The following TP53BP1 variants were observed in gnomAD, a reference collection of about 807,000 sequenced individuals.
TP53BP1 encodes the protein TP53-binding protein 1.
A neutral mutation model predicts 200.8 loss-of-function variants in TP53BP1; 61 were observed. The observed-to-expected ratio is 0.30, with a 90% confidence interval of 0.25 to 0.38. The LOEUF is 0.38. Among genes scored for constraint, TP53BP1 ranks in the 10% least tolerant of loss-of-function variants. The pLI, the probability that TP53BP1 is intolerant of heterozygous loss-of-function variation, is 1.00. For missense variants in TP53BP1, 2,144 were observed against 2,371.9 expected (o/e 0.90, Z 2.00); for synonymous variants, 822 against 844.3 (o/e 0.97, Z 0.46).
chr15:43,420,159 A>C, intron 21 of TP53BP1, 146 bp downstream of exon 21: 1 of 776,396 alleles, frequency 1.3e-6, no homozygotes, highest in Non-Finnish European at 2.1e-6. Flanking sequence ...GTCAGTGGCA[A>C]GAGTAACCAA....
At chr15:43,506,921 C>T (rs147471997) in intron 1 of TP53BP1, among the ~76,000 whole-genome samples, 7 of 152,228 alleles carry the variant, frequency 4.6e-5, no homozygotes, top group African/African-American at 1.7e-4. Flanking sequence ...GGCCAAGCCA[C>T]CACTTCAGCC....
At position 43,403,179 on chromosome 15, in the gene TP53BP1, TATA is replaced by T. The variant is rs922994313; in HGVS notation, c.*4201_*4203del. 4.6e-5 allele frequency: 7 copies of T among 151,144 alleles called. No individual in the cohort carries two copies. Among genetic ancestry groups the T allele is most frequent in the African/African-American group, 1.7e-4 (7 of 41,202 alleles). The allele number at this position is 151,144 out of a possible 1,614,324, so 9.4% of individuals were successfully genotyped here. A position where few individuals can be genotyped will look rare whatever the true frequency, so the allele number is the denominator to read the frequency against. On this transcript the variant is annotated 3_prime_UTR_variant, in exon 28 of 28. Transcript: ENST00000382044. The stretch of plus-strand genomic sequence containing the variant: ...ACAATCTAGTTGGAAAAACAAGACA[TATA>T]TATATATATACATACAAAAATCAGT...
chr15:43,435,514 T>C (rs1356859784), intron 16 of TP53BP1, among the ~76,000 whole-genome samples: 2 of 152,170 alleles, frequency 1.3e-5, no homozygotes, highest in Non-Finnish European at 2.9e-5. Context: ...ATAAATTTAG[T>C]AATAGCTGGG....
chr15:43,432,732 C>CGT, intron 16 of TP53BP1, 55 bp from the exon 17 acceptor site: 7 of 1,539,980 alleles, frequency 4.5e-6, no homozygotes, highest in Admixed American at 3.8e-5. Context: ...TATGTGTGAA[C>CGT]GTGTGTGTGT....
chr15:43,458,672 C>T lies in TP53BP1; in HGVS notation c.1390-1454G>A, dbSNP rs980341591. On this transcript the variant is annotated intron_variant, in intron 11 of 27. Transcript: ENST00000382044. Reference sequence around the variant, plus strand: ...TTGTGTCCCTACAGTCCCAGCTACTCGGGAGGCTGAGGCAGCAGGATCCTT... The same window carrying T: ...TTGTGTCCCTACAGTCCCAGCTACTTGGGAGGCTGAGGCAGCAGGATCCTT... Among the ~76,000 whole-genome samples the T allele has an allele frequency of 3.3e-5, 5 of 151,690 alleles. No homozygotes were observed. The East Asian group carries it at 5.8e-4, about 18-fold the overall frequency.
chr15:43,404,711 G>T lies in TP53BP1; in HGVS notation c.*2672C>A, dbSNP rs2044799708. 2 of 768,518 alleles carry T rather than the reference G, an allele frequency of 2.6e-6. No individual in the cohort carries two copies. The highest frequency in any genetic ancestry group is 5.9e-5 in the Admixed American group (2 of 33,620). 47.6% of individuals were successfully genotyped at this position (768,518 alleles called of 1,614,324 possible). A position where few individuals can be genotyped will look rare whatever the true frequency, so the allele number is the denominator to read the frequency against. On this transcript the variant is annotated 3_prime_UTR_variant, in exon 28 of 28. Transcript: ENST00000382044. The stretch of plus-strand genomic sequence containing the variant: ...GACCATCTTTAATAATTTTAATGGA[G>T]GTTATTTTCTAGTAGAAGTCATCAT...
At position 43,457,017 on chromosome 15, in the gene TP53BP1, G is replaced by A. The variant is rs771965218; in HGVS notation, c.1591C>T (p.Pro531Ser). ...TGAGAACTCAAGCTCTCCATCTTTG[G>A]GGACTGACTATATTCACTTGTAGAA... ...MLSTSEYSQSPKMESLSSHRI... is the reference protein window; with the variant it reads ...MLSTSEYSQSSKMESLSSHRI... Residue 531 changes from proline (P) to serine (S), a missense_variant, in exon 12 of 28, where the codon CCA becomes TCA. Physicochemically the swap from Pro to Ser is moderately conservative, Grantham distance 74. This residue lies in a region of TP53BP1 where 1,700 missense variants were observed against 1,710.3 expected (regional missense o/e 0.99). Transcript: ENST00000382044. 1.2e-5 allele frequency: 19 copies of A among 1,613,990 alleles called. No individual in the cohort carries two copies. The South Asian group carries it at 1.9e-4, about 16-fold the overall frequency.
intron 1 of TP53BP1, 138 bp downstream of exon 1, chr15:43,492,899 C>T (rs1284705661): frequency 4.6e-6 from 4 of 868,980 alleles, no homozygotes; most frequent in Non-Finnish European, 6.9e-6. Flanking sequence ...TTCCCCACCC[C>T]CTCCTTAGGG....
At chr15:43,411,255 A>T (rs1225307652) in intron 24 of TP53BP1, among the ~76,000 whole-genome samples, 1 of 152,210 alleles carries the variant, frequency 6.6e-6, no homozygotes, top group Admixed American at 6.5e-5. Flanking sequence ...TTGAGGTATA[A>T]GTGCCCTGCC....
intron 4 of TP53BP1, among the ~76,000 whole-genome samples, chr15:43,489,218 C>A (rs2079088099): frequency 6.6e-6 from 1 of 152,202 alleles, no homozygotes; most frequent in Non-Finnish European, 1.5e-5. Flanking sequence ...TAACATCTGT[C>A]TCTCCTATTA....
intron 15 of TP53BP1, among the ~76,000 whole-genome samples, chr15:43,440,698 G>C (rs927215636): frequency 1.3e-5 from 2 of 151,816 alleles, no homozygotes; most frequent in African/African-American, 4.8e-5. Context: ...GGCCAGCCTG[G>C]GCAACATAGT....
At position 43,405,017 on chromosome 15, in the gene TP53BP1, T is replaced by C. The variant is rs1017265823; in HGVS notation, c.*2366A>G. ...ATTCCCATTCAGAAAATCACTTCAT[T>C]GTCCTTTCTCTCTAAAATGTCTGCA... On this transcript the variant is annotated 3_prime_UTR_variant, in exon 28 of 28. Transcript: ENST00000382044. The C allele has an allele frequency of 9.6e-6, 6 of 627,026 alleles. No homozygotes were observed. Among genetic ancestry groups the C allele is most frequent in the South Asian group, 2.3e-5 (1 of 44,054 alleles). The allele number at this position is 627,026 out of a possible 1,614,324, so 38.8% of individuals were successfully genotyped here. A position where few individuals can be genotyped will look rare whatever the true frequency, so the allele number is the denominator to read the frequency against.
At chr15:43,410,741 G>A (rs1339762647) in intron 24 of TP53BP1, among the ~76,000 whole-genome samples, 1 of 152,132 alleles carries the variant, frequency 6.6e-6, no homozygotes, top group African/African-American at 2.4e-5. Flanking sequence ...ACTTAGAGCA[G>A]ATCCCTTATG....
chr15:43,409,358 G>A (rs2045035894), intron 25 of TP53BP1: 1 of 571,404 alleles, frequency 1.8e-6, no homozygotes, highest in African/African-American at 1.9e-5. Context: ...AGCCTTTCAG[G>A]CTAAAAATCA....
Position 43,489,212 on chromosome 15 carries a change from A to G in TP53BP1, c.371+2457T>C, listed in dbSNP as rs558171065. Among the ~76,000 whole-genome samples, 27 of 152,380 alleles carry G rather than the reference A, an allele frequency of 1.8e-4. 1 individual carries two copies. The highest frequency in any genetic ancestry group is 6.5e-4 in the African/African-American group (27 of 41,592). On this transcript the variant is annotated intron_variant, in intron 4 of 27. Coordinates refer to ENST00000382044, the MANE Select transcript of TP53BP1 (RefSeq NM_001141980.3). ...CTACTGATGTAATGACTCATTTAACATCTGTCTCTCCTATTAAATTATAAG... is the reference window on the plus strand; with the variant it reads ...CTACTGATGTAATGACTCATTTAACGTCTGTCTCTCCTATTAAATTATAAG...
chr15:43,464,192 GA>G lies in TP53BP1; in HGVS notation c.1389+5665del, dbSNP rs1457067256. On this transcript the variant is annotated intron_variant, in intron 11 of 27. Transcript: ENST00000382044. ...AATCAAAGATTACCAGACATCTGAGGAAAGCCTCTAATTTGAAAGAGATCAA... is the reference window on the plus strand; with the variant it reads ...AATCAAAGATTACCAGACATCTGAGGAAGCCTCTAATTTGAAAGAGATCAA... Among the ~76,000 whole-genome samples, 16 of 152,216 alleles carry G rather than the reference GA, an allele frequency of 1.1e-4. No homozygotes were observed. The South Asian group carries it at 3.3e-3, about 32-fold the overall frequency.
At chr15:43,499,085 T>C (rs534243064) in intron 1 of TP53BP1, among the ~76,000 whole-genome samples, 1 of 147,004 alleles carries the variant, frequency 6.8e-6, no homozygotes, top group Non-Finnish European at 1.5e-5. Context: ...AAGAAGGGAG[T>C]TTTTATGTCC....
intron 18 of TP53BP1, among the ~76,000 whole-genome samples, chr15:43,427,223 A>T (rs994213820): frequency 6.6e-6 from 1 of 152,202 alleles, no homozygotes; most frequent in Non-Finnish European, 1.5e-5. Flanking sequence ...CTGAGCTGAC[A>T]TTTGTAATGA....
At chr15:43,427,058 C>T (rs2045557201) in intron 18 of TP53BP1, among the ~76,000 whole-genome samples, 1 of 151,382 alleles carries the variant, frequency 6.6e-6, no homozygotes, top group Non-Finnish European at 1.5e-5. Context: ...TGCCTCTTAC[C>T]AACCAATAAA....
Sources: allele counts gnomAD v4.1 joint callset (sites outside exome capture counted in the v4.1 genomes callset), GRCh38; gene constraint gnomAD v4.1.1; regional missense constraint gnomAD v4.1.1; transcripts MANE v1.5; gene names NCBI Gene and HGNC (gene_info 2026-07-23, HGNC 2026-07-21).